ENTREP2: variants seen among roughly 807,000 people sequenced by gnomAD.
ENTREP2 encodes the protein endosomal transmembrane epsin interactor 2.
the ENTREP2 span, among the ~76,000 whole-genome samples, chr15:29,369,519 A>G: frequency 4.0e-3 from 611 of 152,344 alleles, 5 homozygotes; most frequent in South Asian, 7.3e-3. Context: ...AGATAAGCCA[A>G]TGCTGAGATA....
chr15:29,264,721 C>T, the ENTREP2 span, among the ~76,000 whole-genome samples: 1 of 152,108 alleles, frequency 6.6e-6, no homozygotes, highest in Admixed American at 6.5e-5. Context: ...CTAAATAGTT[C>T]AGGGAACAAA....
chr15:29,589,143 G>C, the ENTREP2 span, among the ~76,000 whole-genome samples: 1 of 152,132 alleles, frequency 6.6e-6, no homozygotes, highest in Non-Finnish European at 1.5e-5. Context: ...ATTGTCATTG[G>C]GGCCAGGCAC....
the ENTREP2 span, among the ~76,000 whole-genome samples, chr15:29,406,622 G>C: frequency 6.6e-6 from 1 of 151,946 alleles, no homozygotes; most frequent in Non-Finnish European, 1.5e-5. Context: ...CATTTTTTCT[G>C]ATCTAGTCAT....
At chr15:29,591,449 GGTTGAATTATGTCTCCTAAAAGGTAC>G in the ENTREP2 span, among the ~76,000 whole-genome samples, 1 of 152,070 alleles carries the variant, frequency 6.6e-6, no homozygotes, top group Admixed American at 6.5e-5. Context: ...ACCTGTTATG[GGTTGAATTATGTCTCCTAAAAGGTAC>G]GTTGAAATCC....
At chr15:29,315,564 G>A in the ENTREP2 span, among the ~76,000 whole-genome samples, 1 of 152,160 alleles carries the variant, frequency 6.6e-6, no homozygotes, top group Non-Finnish European at 1.5e-5. Context: ...TATCAGAACT[G>A]ATTCCAAATA....
chr15:29,662,211 CAAAAAA>C, the ENTREP2 span, among the ~76,000 whole-genome samples: 16 of 46,966 alleles, frequency 3.4e-4, no homozygotes, highest in South Asian at 1.1e-3. Context: ...AACCCTGTCG[CAAAAAA>C]AAAAAAAAAA....
chr15:29,236,875 T>G, the ENTREP2 span, among the ~76,000 whole-genome samples: 61,059 of 145,430 alleles, frequency 0.42, 12,575 homozygotes, highest in East Asian at 0.61. Flanking sequence ...ATAGTTGAAA[T>G]AAAAAAAAGA....
chr15:29,165,071 G>C, the ENTREP2 span, among the ~76,000 whole-genome samples: 1 of 152,104 alleles, frequency 6.6e-6, no homozygotes, highest in Non-Finnish European at 1.5e-5. Flanking sequence ...TCCTGAATGA[G>C]CATTGGGTCA....
the ENTREP2 span, among the ~76,000 whole-genome samples, chr15:29,642,461 C>T: frequency 2.0e-5 from 3 of 147,610 alleles, no homozygotes; most frequent in Non-Finnish European, 4.5e-5. Flanking sequence ...TACACACACA[C>T]ATATATATAC....
the ENTREP2 span, among the ~76,000 whole-genome samples, chr15:29,131,200 G>A: frequency 4.6e-5 from 7 of 152,138 alleles, no homozygotes; most frequent in Middle Eastern, 3.4e-3. Context: ...CAATTCCAGC[G>A]ATTATGGAAA....
the ENTREP2 span, among the ~76,000 whole-genome samples, chr15:29,396,124 A>G: frequency 1.3e-5 from 2 of 152,228 alleles, no homozygotes; most frequent in Non-Finnish European, 1.5e-5. Context: ...TGATAAGAAC[A>G]TATGAAGTCT....
the ENTREP2 span, among the ~76,000 whole-genome samples, chr15:29,261,995 A>G: frequency 4.6e-5 from 7 of 151,886 alleles, no homozygotes; most frequent in East Asian, 1.4e-3. Flanking sequence ...TAAATCAAAA[A>G]GGGAAACAAT....
chr15:29,616,865 A>G, the ENTREP2 span, among the ~76,000 whole-genome samples: 1 of 152,086 alleles, frequency 6.6e-6, no homozygotes, highest in African/African-American at 2.4e-5. Flanking sequence ...ACTTGAGGTC[A>G]GGAGTTTCAG....
the ENTREP2 span, among the ~76,000 whole-genome samples, chr15:29,403,138 G>A: frequency 1.3e-5 from 2 of 152,292 alleles, no homozygotes; most frequent in Non-Finnish European, 1.5e-5. Flanking sequence ...GGGGAGGGAC[G>A]GGGCCTGATC....
the ENTREP2 span, among the ~76,000 whole-genome samples, chr15:29,314,456 C>G: frequency 6.6e-6 from 1 of 152,304 alleles, no homozygotes; most frequent in Admixed American, 6.5e-5. Context: ...AGACCCTCCA[C>G]CAGCAAACAG....
the ENTREP2 span, among the ~76,000 whole-genome samples, chr15:29,351,382 A>T: frequency 2.0e-5 from 3 of 152,204 alleles, 1 homozygote; most frequent in South Asian, 6.2e-4. Flanking sequence ...TATTTTATTC[A>T]TTCCACAGAT....
At chr15:29,388,524 TA>T in the ENTREP2 span, among the ~76,000 whole-genome samples, 1 of 152,296 alleles carries the variant, frequency 6.6e-6, no homozygotes, top group East Asian at 1.9e-4. Flanking sequence ...TGTGGGACTG[TA>T]AACTAGTTCA....
the ENTREP2 span, among the ~76,000 whole-genome samples, chr15:29,293,932 G>A: frequency 6.6e-6 from 1 of 152,212 alleles, no homozygotes; most frequent in Non-Finnish European, 1.5e-5. Context: ...TAACTGTGGG[G>A]AAACTGAGGG....
the ENTREP2 span, chr15:29,376,383 A>C: frequency 3.3e-5 from 5 of 152,188 alleles, no homozygotes; most frequent in African/African-American, 1.2e-4. Flanking sequence ...ATCCAGCATA[A>C]TATAGAACCC....
Sources: allele counts gnomAD v4.1 joint callset (sites outside exome capture counted in the v4.1 genomes callset), GRCh38; gene constraint gnomAD v4.1.1; transcripts MANE v1.5; gene names NCBI Gene and HGNC (gene_info 2026-07-23, HGNC 2026-07-21).